The following MAMDC4 variants were observed in gnomAD, a reference collection of about 807,000 sequenced individuals.
The protein encoded by MAMDC4 is apical endosomal glycoprotein.
In MAMDC4, 168 loss-of-function variants were observed where a neutral mutation model predicts 153.3. The observed-to-expected ratio is 1.10, with a 90% CI of 0.97 to 1.25. The LOEUF (loss-of-function observed/expected upper bound fraction) is 1.25. Ranked by LOEUF, MAMDC4 falls within the 50% of genes most tolerant of loss-of-function variation. The probability of loss-of-function intolerance (pLI) is 0.00; values close to 1 mark genes in which losing one functional copy is unlikely to be tolerated. For missense variants in MAMDC4, 1,701 were observed against 1,542.8 expected (o/e 1.10, Z -1.72); for synonymous variants, 744 against 651.5 (o/e 1.14, Z -2.16).
intron 14 of MAMDC4, 22 bp downstream of exon 14, chr9:136,856,171 T>A: frequency 6.2e-7 from 1 of 1,611,662 alleles, no homozygotes; most frequent in Non-Finnish European, 8.5e-7. Context: ...CTCCGCAAGT[T>A]CCCTGGCCAG....
In MAMDC4 at chr9:136,854,200, G is replaced by A. The variant is rs770014337; in HGVS notation, c.671-11G>A. The A allele has an allele frequency of 2.7e-5, 44 of 1,611,406 alleles. No individual in the cohort carries two copies. The highest frequency in any genetic ancestry group is 3.7e-5 in the Non-Finnish European group (44 of 1,179,390). ...GGGGCCTCGGTGAAGGGTTAACCCT[G>A]CCCCACCCAGCCCCCCAGGCCAACT... On this transcript the variant is annotated splice_polypyrimidine_tract_variant and intron_variant, in intron 6 of 26. Coordinates refer to ENST00000317446, the MANE Select transcript of MAMDC4 (RefSeq NM_206920.3).
chr9:136,858,988 C>T lies in MAMDC4; in HGVS notation c.2957-17C>T. On this transcript the variant is annotated splice_polypyrimidine_tract_variant and intron_variant, in intron 23 of 26. Transcript: ENST00000317446. ...CCCCAGGACCCCAGGCCTGACACGC[C>T]CTGGCCCTGCTCTCAGACAAGGGGG... 1 of 1,512,444 alleles carries T rather than the reference C, an allele frequency of 6.6e-7. No homozygotes were observed. Among genetic ancestry groups the T allele is most frequent in the African/African-American group, 1.4e-5 (1 of 72,526 alleles). 93.7% of individuals were successfully genotyped at this position (1,512,444 alleles called of 1,614,324 possible).
chr9:136,856,040 G>C lies in MAMDC4; in HGVS notation c.1611G>C (p.Arg537=). ...AAAGHFLSLQ[R]AWGQLGAEAR... The stretch of plus-strand genomic sequence containing the variant: ...TAGGGCACTTCCTGTCTCTGCAGCG[G>C]GCCTGGGGGCAGCTAGGCGCTGAGG... Residue 537 remains arginine, a synonymous_variant, in exon 14 of 27, where the codon CGG becomes CGC. Coordinates refer to ENST00000317446, the MANE Select transcript of MAMDC4 (RefSeq NM_206920.3). 7 of 1,612,092 alleles carry C rather than the reference G, an allele frequency of 4.3e-6. No individual in the cohort carries two copies. The highest frequency in any genetic ancestry group is 5.9e-6 in the Non-Finnish European group (7 of 1,179,700).
rs529486283 is a variant in MAMDC4, at chr9:136,857,489, C to T, written c.2229C>T (p.Phe743=). Residue 743 remains phenylalanine (F), a synonymous_variant, in exon 18 of 27, where the codon TTC becomes TTT. Coordinates refer to ENST00000317446, the MANE Select transcript of MAMDC4 (RefSeq NM_206920.3). Reference sequence around the variant, plus strand: ...CCTTTGAGGACTCAGACTGCGGCTTCTCCCCTGGAGGCCAAGGTCTCTGGA... The same window carrying T: ...CCTTTGAGGACTCAGACTGCGGCTTTTCCCCTGGAGGCCAAGGTCTCTGGA... The part of the protein sequence containing the change: ...YCSFEDSDCG[F]SPGGQGLWRR... 5 of 1,609,786 alleles carry T rather than the reference C, an allele frequency of 3.1e-6. No individual in the cohort carries two copies. The highest frequency in any genetic ancestry group is 4.2e-6 in the Non-Finnish European group (5 of 1,179,954).
Position 136,859,878 on chromosome 9 carries a change from G to A in MAMDC4, c.3194-8G>A, listed in dbSNP as rs765007478. 6.2e-7 allele frequency: 1 copy of A among 1,611,250 alleles called. No homozygotes were observed. The highest frequency in any genetic ancestry group is 8.5e-7 in the Non-Finnish European group (1 of 1,179,904). On this transcript the variant is annotated splice_polypyrimidine_tract_variant and splice_region_variant and intron_variant, in intron 25 of 26. Transcript: ENST00000317446. ...TTTGGAGGGCTCACATGTCCCTATG[G>A]CCCACAGGGAACACAGCCGCACCCG... is the stretch of plus-strand genomic sequence containing the variant.
Position 136,852,382 on chromosome 9 carries a change from C to G in MAMDC4, c.-35C>G. 6.2e-7 allele frequency: 1 copy of G among 1,606,762 alleles called. No homozygotes were observed. Among genetic ancestry groups the G allele is most frequent in the Non-Finnish European group, 8.5e-7 (1 of 1,179,788 alleles). On this transcript the variant is annotated 5_prime_UTR_variant, in exon 1 of 27. Transcript: ENST00000317446. ...ATAACCGCACGGAACTTCCCAGGCA[C>G]CCTGTGTGGCCGCACTGCTCCCTCT...
chr9:136,854,115 C>T (rs1848967719), intron 6 of MAMDC4, 39 bp downstream of exon 6: 1 of 1,608,208 alleles, frequency 6.2e-7, no homozygotes. Flanking sequence ...CCCGGGAGGG[C>T]CCCCACCTGC....
In MAMDC4 at chr9:136,855,289, C is replaced by T. The variant is rs141289969; in HGVS notation, c.1233C>T (p.Val411=). ...CCGGGCAGACAGGCCCGGGGGGCGTCGTGGGTCTGGACGACCTCATCCTGT... is the reference window on the plus strand; with the variant it reads ...CCGGGCAGACAGGCCCGGGGGGCGTTGTGGGTCTGGACGACCTCATCCTGT... ...LLAGQTGPGG[V]VGLDDLILSD... The change falls in exon 11 of 27, where the codon GTC becomes GTT. Residue 411 remains valine, a synonymous_variant. Coordinates refer to ENST00000317446, the MANE Select transcript of MAMDC4 (RefSeq NM_206920.3). 29 of 1,604,736 alleles carry T rather than the reference C, an allele frequency of 1.8e-5. No homozygotes were observed. The highest frequency in any genetic ancestry group is 1.5e-4 in the African/African-American group (11 of 74,848).
chr9:136,853,885 G>T lies in MAMDC4; in HGVS notation c.563G>T (p.Gly188Val). 1 of 1,612,624 alleles carries T rather than the reference G, an allele frequency of 6.2e-7. No individual in the cohort carries two copies. Among genetic ancestry groups the T allele is most frequent in the Non-Finnish European group, 8.5e-7 (1 of 1,179,820 alleles). The part of the protein sequence containing the change: ...PGWQELAVTT[G>V]RIRGDFRVTF... ...TGGCAGGAGTTGGCAGTGACCACAG[G>T]CCGCATCCGGGGTGACTTCCGAGTG... Residue 188 changes from glycine to valine, a missense_variant, in exon 5 of 27, where the codon GGC becomes GTC. Gly to Val is a moderately radical substitution (Grantham distance 109). Coordinates refer to ENST00000317446, the MANE Select transcript of MAMDC4 (RefSeq NM_206920.3).
intron 26 of MAMDC4, 84 bp from the exon 27 acceptor site, chr9:136,860,478 G>A (rs1221524215): frequency 1.4e-6 from 2 of 1,425,740 alleles, no homozygotes; most frequent in East Asian, 2.5e-5. Context: ...CGAAGATCGT[G>A]CCATTGCACT....
rs371234598 is a variant in MAMDC4, at chr9:136,854,196, C to T, written c.671-15C>T. The T allele has an allele frequency of 2.9e-5, 47 of 1,611,828 alleles. No homozygotes were observed. The African/African-American group carries it at 5.2e-4, about 18-fold the overall frequency. ...TCCTGGGGCCTCGGTGAAGGGTTAA[C>T]CCTGCCCCACCCAGCCCCCCAGGCC... On this transcript the variant is annotated splice_polypyrimidine_tract_variant and intron_variant, in intron 6 of 26. Transcript: ENST00000317446.
At chr9:136,854,492 C>T (rs760753344) in intron 7 of MAMDC4, 47 bp from the exon 8 acceptor site, 53 of 1,570,526 alleles carry the variant, frequency 3.4e-5, no homozygotes, top group Non-Finnish European at 4.3e-5. Context: ...CATACGGCTT[C>T]AGGAAGCACT....
chr9:136,856,099 G>T lies in MAMDC4; in HGVS notation c.1670G>T (p.Gly557Val), dbSNP rs759773625. 8 of 1,612,406 alleles carry T rather than the reference G, an allele frequency of 5.0e-6. No homozygotes were observed. The highest frequency in any genetic ancestry group is 6.8e-6 in the Non-Finnish European group (8 of 1,179,892). The change falls in exon 14 of 27, where the codon GGC (glycine) becomes GTC (valine). Residue 557 changes from glycine (G) to valine (V), a missense_variant. Coordinates refer to ENST00000317446, the MANE Select transcript of MAMDC4 (RefSeq NM_206920.3). ...CTCACACCCCTCCTTGGCCCTTCTG[G>T]CCCCAGCTGTGAACTCCACCTGGCT... is the stretch of plus-strand genomic sequence containing the variant. ...RVLTPLLGPS[G>V]PSCELHLAYY...
In MAMDC4 at chr9:136,854,081, G is replaced by A. The variant is rs1223586797; in HGVS notation, c.670+5G>A. The A allele has an allele frequency of 6.2e-7, 1 of 1,612,654 alleles. No homozygotes were observed. The highest frequency in any genetic ancestry group is 1.7e-4 in the Middle Eastern group (1 of 6,060). On this transcript the variant is annotated splice_donor_5th_base_variant and intron_variant, in intron 6 of 26. Transcript: ENST00000317446. The stretch of plus-strand genomic sequence containing the variant: ...TCTGGGACTGTGGTCTGCCCAGTAA[G>A]GCACCGCCTCTTCCTGTTCCACCCC...
Position 136,856,898 on chromosome 9 carries a change from C to T in MAMDC4, c.1838-9C>T, listed in dbSNP as rs750172563. The T allele has an allele frequency of 6.2e-7, 1 of 1,609,570 alleles. No individual in the cohort carries two copies. Among genetic ancestry groups the T allele is most frequent in the Non-Finnish European group, 8.5e-7 (1 of 1,177,506 alleles). On this transcript the variant is annotated splice_polypyrimidine_tract_variant and intron_variant, in intron 15 of 26. Coordinates refer to ENST00000317446, the MANE Select transcript of MAMDC4 (RefSeq NM_206920.3). ...GCATCTCTGCAGCACAGCCCCATGC[C>T]CCCTGCAGGCCACTTTGTGCTCCTG...
At chr9:136,860,532 GA>G (rs753811450) in intron 26 of MAMDC4, 29 bp from the exon 27 acceptor site, 46 of 1,588,986 alleles carry the variant, frequency 2.9e-5, no homozygotes, top group East Asian at 4.5e-5. Context: ...AGGAAAGAAA[GA>G]AAAAAAAAGC....
chr9:136,857,275 C>A lies in MAMDC4; in HGVS notation c.2083C>A (p.Pro695Thr). The A allele has an allele frequency of 6.2e-7, 1 of 1,602,514 alleles. No homozygotes were observed. The highest frequency in any genetic ancestry group is 2.3e-5 in the East Asian group (1 of 44,324). ...GGCCTGGGCCACCCTTTCCCACCAGCCTGGCTCCCATGCCCAGTACCAGGT... is the reference window on the plus strand; with the variant it reads ...GGCCTGGGCCACCCTTTCCCACCAGACTGGCTCCCATGCCCAGTACCAGGT... ...HEAWATLSHQ[P>T]GSHAQYQLLF... Residue 695 changes from proline to threonine, a missense_variant, in exon 17 of 27, where the codon CCT becomes ACT. By Grantham distance (38) the Pro-to-Thr change is conservative. Coordinates refer to ENST00000317446, the MANE Select transcript of MAMDC4 (RefSeq NM_206920.3).
Position 136,858,268 on chromosome 9 carries a change from C to T in MAMDC4, c.2666C>T (p.Pro889Leu), listed in dbSNP as rs768519544. ...DDLLLQDGPC[P>L]QPGSCDFESG... ...CTGCTCCTCCAGGACGGGCCCTGCC[C>T]TCAGCCAGGTGGGAGCCCTGCCGTG... Residue 889 changes from proline to leucine, a missense_variant, in exon 21 of 27, where the codon CCT becomes CTT. By Grantham distance (98) the Pro-to-Leu change is moderately conservative. Coordinates refer to ENST00000317446, the MANE Select transcript of MAMDC4 (RefSeq NM_206920.3). 2.5e-6 allele frequency: 4 copies of T among 1,601,762 alleles called. No individual in the cohort carries two copies. Among genetic ancestry groups the T allele is most frequent in the African/African-American group, 2.7e-5 (2 of 74,890 alleles).
rs528297988 is a variant in MAMDC4, at chr9:136,858,768, C to T, written c.2871C>T (p.Ala957=). The T allele has an allele frequency of 2.8e-5, 45 of 1,610,820 alleles. 1 individual carries two copies. In the East Asian group the frequency reaches 4.5e-4, roughly 16 times the overall value. Residue 957 remains alanine (A), a synonymous_variant, in exon 23 of 27, where the codon GCC becomes GCT. Coordinates refer to ENST00000317446, the MANE Select transcript of MAMDC4 (RefSeq NM_206920.3). ...GCGTGCTGGGCCCCGGGGGCCGGGC[C>T]GCCTGGCTGCGCAGCGAGCCTCTGC... The part of the protein sequence containing the change: ...ETGVLGPGGR[A]AWLRSEPLPA...
Sources: gnomAD v4.1 joint callset for allele counts on GRCh38, gnomAD v4.1.1 for gene constraint, MANE v1.5 for transcripts, NCBI Gene and HGNC (gene_info 2026-07-23, HGNC 2026-07-21) for gene names.